ADAMTS12: variants seen among roughly 807,000 people sequenced by gnomAD.
ADAMTS12 encodes ADAM metallopeptidase with thrombospondin type 1 motif 12.
Under a neutral mutation model 167.8 loss-of-function variants are expected in ADAMTS12, and 118 were observed. The observed-to-expected ratio is 0.70, with a 90% confidence interval of 0.61 to 0.82. ADAMTS12 has a LOEUF of 0.82. Ranked by LOEUF, ADAMTS12 falls within the 40% of genes least tolerant of loss-of-function variation. The pLI, the probability that ADAMTS12 is intolerant of heterozygous loss-of-function variation, is 0.00. For missense variants in ADAMTS12, 1,916 were observed against 1,998.8 expected (o/e 0.96, Z 0.79); for synonymous variants, 704 against 716.9 (o/e 0.98, Z 0.29).
intron 2 of ADAMTS12, among the ~76,000 whole-genome samples, chr5:33,869,163 G>A (rs915245456): frequency 2.0e-5 from 3 of 152,132 alleles, no homozygotes; most frequent in African/African-American, 7.2e-5. Context: ...ACTGCCCTGT[G>A]CAACCTTGGG....
At chr5:33,828,839 G>A (rs2548026) in intron 2 of ADAMTS12, among the ~76,000 whole-genome samples, 71,962 of 151,902 alleles carry the variant, frequency 0.47, 17,729 homozygotes, top group African/African-American at 0.6. Flanking sequence ...GGTGGAGAAG[G>A]GGTAAAGGGA....
rs1037898600 is a variant in ADAMTS12, at chr5:33,762,740, AT to A, written c.490-11193del. ...AATGTACAACATAATCTACTTTACC[AT>A]TTTTACCTATGACATCTTCAGTAAA... On this transcript the variant is annotated intron_variant, in intron 2 of 23. Coordinates refer to ENST00000504830, the MANE Select transcript of ADAMTS12 (RefSeq NM_030955.4). 2.4e-4 allele frequency among the ~76,000 whole-genome samples: 36 copies of A among 152,120 alleles called. 2 individuals are homozygous for A.
intron 2 of ADAMTS12, among the ~76,000 whole-genome samples, chr5:33,838,383 A>T (rs1236335618): frequency 6.6e-6 from 1 of 152,178 alleles, no homozygotes; most frequent in Non-Finnish European, 1.5e-5. Context: ...CCACAAAGGT[A>T]TTCAAGAAGC....
intron 16 of ADAMTS12, among the ~76,000 whole-genome samples, chr5:33,605,213 A>C (rs1393425127): frequency 6.6e-6 from 1 of 152,168 alleles, no homozygotes; most frequent in Non-Finnish European, 1.5e-5. Context: ...CACTGAGCCG[A>C]GTCTAGCCTA....
chr5:33,668,768 G>C (rs1481238034), intron 5 of ADAMTS12, among the ~76,000 whole-genome samples: 1 of 152,200 alleles, frequency 6.6e-6, no homozygotes, highest in African/African-American at 2.4e-5. Context: ...ACAGGCGTGA[G>C]CCTCCACACC....
intron 5 of ADAMTS12, among the ~76,000 whole-genome samples, chr5:33,666,696 T>G (rs1438219589): frequency 2.0e-5 from 3 of 152,108 alleles, no homozygotes; most frequent in Non-Finnish European, 2.9e-5. Context: ...TTTCACCATG[T>G]TGGCCAGGAT....
chr5:33,872,557 A>C (rs1021217942), intron 2 of ADAMTS12, among the ~76,000 whole-genome samples: 6 of 151,580 alleles, frequency 4.0e-5, no homozygotes, highest in African/African-American at 1.5e-4. Flanking sequence ...AAAAAAAAAA[A>C]AGAAAGAAAG....
intron 2 of ADAMTS12, among the ~76,000 whole-genome samples, chr5:33,868,085 C>T (rs943013387): frequency 6.6e-6 from 1 of 152,128 alleles, no homozygotes; most frequent in East Asian, 1.9e-4. Flanking sequence ...TTTCTTGAGG[C>T]CTCCCCAGCC....
intron 2 of ADAMTS12, among the ~76,000 whole-genome samples, chr5:33,809,599 T>A (rs1463897565): frequency 3.9e-5 from 6 of 152,148 alleles, no homozygotes; most frequent in Non-Finnish European, 7.3e-5. Context: ...TTCTGAAAAT[T>A]ATCAGTCACT....
intron 2 of ADAMTS12, among the ~76,000 whole-genome samples, chr5:33,838,488 G>C (rs944090331): frequency 2.0e-5 from 3 of 152,128 alleles, no homozygotes; most frequent in African/African-American, 7.2e-5. Context: ...TTCAAGACCA[G>C]CCTGGCCAAC....
chr5:33,639,646 T>C (rs1740366610), intron 11 of ADAMTS12, among the ~76,000 whole-genome samples: 1 of 152,208 alleles, frequency 6.6e-6, no homozygotes, highest in South Asian at 2.1e-4. Context: ...AAGCCAAGAC[T>C]TGAATCGTCG....
intron 22 of ADAMTS12, among the ~76,000 whole-genome samples, chr5:33,536,035 A>G (rs567435162): frequency 1.3e-5 from 2 of 152,342 alleles, no homozygotes; most frequent in South Asian, 2.1e-4. Context: ...AGCAGTTTAC[A>G]TAAGATTCTT....
chr5:33,816,543 T>C (rs911373862), intron 2 of ADAMTS12, among the ~76,000 whole-genome samples: 5 of 152,172 alleles, frequency 3.3e-5, no homozygotes, highest in African/African-American at 1.2e-4. Context: ...TCTCTGCTTC[T>C]ATGAGGATTA....
chr5:33,688,405 C>T (rs1205165250), intron 3 of ADAMTS12, among the ~76,000 whole-genome samples: 2 of 92,336 alleles, frequency 2.2e-5, no homozygotes, highest in African/African-American at 4.2e-5. Flanking sequence ...GTCTGTCCAG[C>T]GTTGTCTGAG....
intron 2 of ADAMTS12, among the ~76,000 whole-genome samples, chr5:33,769,346 C>A (rs1474374065): frequency 6.6e-6 from 1 of 152,156 alleles, no homozygotes; most frequent in Non-Finnish European, 1.5e-5. Flanking sequence ...TTACATACAT[C>A]AAGTACAAAT....
chr5:33,694,266 C>A (rs757899999), intron 3 of ADAMTS12, among the ~76,000 whole-genome samples: 12 of 152,156 alleles, frequency 7.9e-5, no homozygotes, highest in Non-Finnish European at 1.8e-4. Flanking sequence ...TTCTCTAATT[C>A]TTTTATTAAT....
chr5:33,751,422 G>A lies in ADAMTS12; in HGVS notation c.616C>T (p.Pro206Ser), dbSNP rs373691746. The change falls in exon 3 of 24, where the codon CCA (proline) becomes TCA (serine). Residue 206 changes from proline to serine, a missense_variant. By Grantham distance (74) the Pro-to-Ser change is moderately conservative. Coordinates refer to ENST00000504830, the MANE Select transcript of ADAMTS12 (RefSeq NM_030955.4). ...ACAATACCCTTTAATCCACAGGTTGGCTCCTTGGTTTCTGGAACTTTCTGC... is the reference window on the plus strand; with the variant it reads ...ACAATACCCTTTAATCCACAGGTTGACTCCTTGGTTTCTGGAACTTTCTGC... ...RRQKVPETKE[P>S]TCGLKDSVNI... 1 of 1,614,112 alleles carries A rather than the reference G, an allele frequency of 6.2e-7. No individual in the cohort carries two copies. The highest frequency in any genetic ancestry group is 1.1e-5 in the South Asian group (1 of 91,078).
intron 18 of ADAMTS12, among the ~76,000 whole-genome samples, chr5:33,586,469 G>A (rs879544731): frequency 2.0e-5 from 3 of 152,180 alleles, no homozygotes; most frequent in Admixed American, 6.5e-5. Flanking sequence ...ACTATGCAAT[G>A]GCCTACATAT....
chr5:33,574,310 C>A (rs545689288), intron 19 of ADAMTS12, among the ~76,000 whole-genome samples: 1 of 151,870 alleles, frequency 6.6e-6, no homozygotes, highest in Non-Finnish European at 1.5e-5. Flanking sequence ...ATGTTTAGTG[C>A]GGCACTATTC....
Sources: gnomAD v4.1 joint callset for allele counts (sites outside exome capture counted in the v4.1 genomes callset) on GRCh38, gnomAD v4.1.1 for gene constraint, MANE v1.5 for transcripts, NCBI Gene and HGNC (gene_info 2026-07-23, HGNC 2026-07-21) for gene names.